The following CCDC141 variants were observed in gnomAD, a reference collection of about 807,000 sequenced individuals.
The protein encoded by CCDC141 is coiled-coil domain-containing protein 141.
Under a neutral mutation model 181.0 loss-of-function variants are expected in CCDC141, and 168 were observed. The ratio of observed to expected loss-of-function variants is 0.93; its 90% CI spans 0.82 to 1.05. The LOEUF (loss-of-function observed/expected upper bound fraction) is 1.05. CCDC141 is among the 50% of genes least tolerant of loss of function. CCDC141 has a pLI of 0.00. For missense variants in CCDC141, 1,902 were observed against 1,788.5 expected, an observed-to-expected ratio of 1.06 and a Z score of -1.14; for synonymous variants, 666 against 642.3, an observed-to-expected ratio of 1.04 and a Z score of -0.56.
chr2:178,863,282 T>C (rs375928883), intron 17 of CCDC141, among the ~76,000 whole-genome samples: 50 of 152,328 alleles, frequency 3.3e-4, no homozygotes, highest in African/African-American at 8.9e-4. Context: ...CAAAAATCCA[T>C]TGCAAGTCAG....
intron 2 of CCDC141, among the ~76,000 whole-genome samples, chr2:179,016,686 A>C (rs534365794): frequency 1.3e-5 from 2 of 152,222 alleles, no homozygotes; most frequent in South Asian, 4.2e-4. Flanking sequence ...CTTTCGATGC[A>C]TAAGCAAGAA....
At chr2:178,900,798 C>A (rs1386682799) in intron 8 of CCDC141, among the ~76,000 whole-genome samples, 4 of 152,098 alleles carry the variant, frequency 2.6e-5, no homozygotes, top group African/African-American at 7.2e-5. Flanking sequence ...AGTTTCTGGT[C>A]AAGAGGCCGG....
intron 6 of CCDC141, among the ~76,000 whole-genome samples, chr2:178,935,352 C>G (rs1050078438): frequency 6.6e-6 from 1 of 152,144 alleles, no homozygotes; most frequent in African/African-American, 2.4e-5. Context: ...TTGACTCTCA[C>G]TTATATGTGA....
chr2:178,913,143 G>C (rs1460043166), intron 7 of CCDC141, among the ~76,000 whole-genome samples: 1 of 152,168 alleles, frequency 6.6e-6, no homozygotes. Context: ...TTGATGCATG[G>C]CAAGAATAGG....
At chr2:178,901,286 A>T (rs1334284893) in intron 8 of CCDC141, among the ~76,000 whole-genome samples, 1 of 152,146 alleles carries the variant, frequency 6.6e-6, no homozygotes, top group African/African-American at 2.4e-5. Context: ...TACCAAAGCA[A>T]GGCAGAGACA....
intron 17 of CCDC141, among the ~76,000 whole-genome samples, chr2:178,864,229 G>A (rs1685743139): frequency 6.6e-6 from 1 of 152,110 alleles, no homozygotes. Context: ...AGGGAAAACG[G>A]GAAGAAAGGG....
chr2:179,012,079 C>A (rs558271094), intron 2 of CCDC141, among the ~76,000 whole-genome samples: 20 of 152,030 alleles, frequency 1.3e-4, no homozygotes, highest in African/African-American at 4.8e-4. Flanking sequence ...AAACAAGAAC[C>A]AAACCCAAAC....
At chr2:178,916,653 G>A (rs1688461774) in intron 7 of CCDC141, among the ~76,000 whole-genome samples, 1 of 152,086 alleles carries the variant, frequency 6.6e-6, no homozygotes, top group Non-Finnish European at 1.5e-5. Flanking sequence ...TTCACACTGA[G>A]TTCTTAGATT....
At chr2:178,947,292 G>A (rs953063213) in intron 5 of CCDC141, among the ~76,000 whole-genome samples, 13 of 152,164 alleles carry the variant, frequency 8.5e-5, no homozygotes, top group Admixed American at 6.6e-4. Flanking sequence ...GGTAAGTACA[G>A]TAAATGATGC....
chr2:178,970,066 G>T (rs982156978), intron 4 of CCDC141, among the ~76,000 whole-genome samples: 2 of 152,184 alleles, frequency 1.3e-5, no homozygotes, highest in East Asian at 1.9e-4. Flanking sequence ...ACTTACAAGG[G>T]ATGTGAAGGA....
rs1402521261 is a variant in CCDC141, at chr2:179,029,010, A to C, written c.225+18274T>G. Reference sequence around the variant, plus strand: ...GTACTGCCATTCAGCCCCAGCCCCTATTCTCCATAACAATGTAGCCTCATC... The same window carrying C: ...GTACTGCCATTCAGCCCCAGCCCCTCTTCTCCATAACAATGTAGCCTCATC... On this transcript the variant is annotated intron_variant, in intron 2 of 23. Coordinates refer to ENST00000443758, the MANE Select transcript of CCDC141 (RefSeq NM_173648.4). Among the ~76,000 whole-genome samples the C allele has an allele frequency of 2.0e-5, 3 of 152,124 alleles. No homozygotes were observed. The East Asian group carries it at 5.8e-4, about 29-fold the overall frequency.
intron 7 of CCDC141, among the ~76,000 whole-genome samples, chr2:178,912,743 T>G (rs942877203): frequency 6.6e-6 from 1 of 152,206 alleles, no homozygotes; most frequent in African/African-American, 2.4e-5. Context: ...AGCATGCTAT[T>G]CAAAATGCTT....
chr2:179,047,847 C>A (rs1387967893), intron 1 of CCDC141, among the ~76,000 whole-genome samples: 1 of 152,152 alleles, frequency 6.6e-6, no homozygotes, highest in Non-Finnish European at 1.5e-5. Context: ...CTTGTAAATG[C>A]AATTTAGGCT....
intron 10 of CCDC141, among the ~76,000 whole-genome samples, chr2:178,886,061 A>C (rs1243123855): frequency 6.6e-6 from 1 of 152,212 alleles, no homozygotes; most frequent in Non-Finnish European, 1.5e-5. Context: ...ATTTAACAAA[A>C]AAATGGGTGT....
In CCDC141 at chr2:178,868,083, A is replaced by G. The variant is rs1466565548; in HGVS notation, c.2517T>C (p.His839=). The G allele has an allele frequency of 1.2e-5, 20 of 1,613,892 alleles. No homozygotes were observed. The Admixed American group carries it at 3.0e-4, about 24-fold the overall frequency. ...CTAAGGAAAGGGCCAGTCTGTGGAG[A>G]TGGTCTACACGGGCTTGCTTTTCCT... is the stretch of plus-strand genomic sequence containing the variant. The part of the protein sequence containing the change: ...CSQEKQARVD[H]LHRLALSLGV... The change falls in exon 16 of 24, where the codon CAT becomes CAC. Residue 839 remains histidine, a synonymous_variant. Transcript: ENST00000443758.
chr2:179,006,839 T>C (rs1434302436), intron 2 of CCDC141, among the ~76,000 whole-genome samples: 1 of 152,318 alleles, frequency 6.6e-6, no homozygotes, highest in East Asian at 1.9e-4. Flanking sequence ...TAAACTCTAA[T>C]AGGAAAATTA....
At chr2:179,035,724 G>A (rs887045694) in intron 2 of CCDC141, among the ~76,000 whole-genome samples, 1 of 152,156 alleles carries the variant, frequency 6.6e-6, no homozygotes, top group Non-Finnish European at 1.5e-5. Context: ...AGGTGGGTGG[G>A]TTCCCAGAGT....
intron 6 of CCDC141, among the ~76,000 whole-genome samples, chr2:178,921,282 T>C (rs1688676695): frequency 6.6e-6 from 1 of 152,238 alleles, no homozygotes; most frequent in Non-Finnish European, 1.5e-5. Flanking sequence ...AAACCATTAC[T>C]TTAACCTACT....
chr2:179,027,833 G>A (rs950744520), intron 2 of CCDC141, among the ~76,000 whole-genome samples: 1 of 151,896 alleles, frequency 6.6e-6, no homozygotes, highest in Admixed American at 6.6e-5. Flanking sequence ...GCCCAGTCTT[G>A]GTATGTCTTT....
Sources: gnomAD v4.1 joint callset for allele counts (sites outside exome capture counted in the v4.1 genomes callset) on GRCh38, gnomAD v4.1.1 for gene constraint, MANE v1.5 for transcripts, NCBI Gene and HGNC (gene_info 2026-07-23, HGNC 2026-07-21) for gene names.